The following BTNL9 variants were observed in gnomAD, a reference collection of about 807,000 sequenced individuals.
BTNL9 encodes butyrophilin like 9, also known as butyrophilin-like protein 9.
BTNL9 carries 45 observed loss-of-function variants against 45.8 expected under a neutral mutation model. The observed-to-expected ratio is 0.98, with a 90% CI of 0.77 to 1.26. The LOEUF (loss-of-function observed/expected upper bound fraction) is 1.26. Ranked by LOEUF, BTNL9 falls within the 50% of genes most tolerant of loss-of-function variation. The pLI is 0.00. For missense variants in BTNL9, 784 were observed against 729.7 expected (o/e 1.07, Z -0.86); for synonymous variants, 346 against 330.8 (o/e 1.05, Z -0.50).
chr5:181,054,157 CA>C, intron 6 of BTNL9, 81 bp from the exon 7 acceptor site: 1 of 1,595,828 alleles, frequency 6.3e-7, no homozygotes, highest in Non-Finnish European at 8.5e-7. Context: ...CCTCAGTGTT[CA>C]CCCATCTGTT....
intron 7 of BTNL9, 177 bp downstream of exon 7, chr5:181,054,436 C>T: frequency 1.0e-6 from 1 of 985,426 alleles, no homozygotes; most frequent in Non-Finnish European, 1.2e-6. Flanking sequence ...TGCCACCGTG[C>T]AGCTGCCCGA....
rs943120369 is a variant in BTNL9, at chr5:181,059,402, G to A, written c.1148G>A (p.Arg383His). 2.6e-6 allele frequency: 4 copies of A among 1,525,300 alleles called. No homozygotes were observed. Among genetic ancestry groups the A allele is most frequent in the Admixed American group, 4.0e-5 (2 of 49,616 alleles). 94.5% of individuals were successfully genotyped at this position (1,525,300 alleles called of 1,614,324 possible). Reference sequence around the variant, plus strand: ...AGCCTGGAGCGGTTCTCCGCCGGCCGCCACTACTGGGAGGTGCACGTGGGC... The same window carrying A: ...AGCCTGGAGCGGTTCTCCGCCGGCCACCACTACTGGGAGGTGCACGTGGGC... ...ALSLERFSAG[R>H]HYWEVHVGRR... The change falls in exon 11 of 11, where the codon CGC (arginine) becomes CAC (histidine). Residue 383 changes from arginine (R) to histidine (H), a missense_variant. Physicochemically the swap from Arg to His is conservative, Grantham distance 29. Transcript: ENST00000327705.
In BTNL9 at chr5:181,051,005, T is replaced by G. The variant is rs1561981142; in HGVS notation, c.736+636T>G. On this transcript the variant is annotated intron_variant, in intron 4 of 10. Transcript: ENST00000327705. Reference sequence around the variant, plus strand: ...GGGAGGCTGAGGCAGGAGAATCGCTTGAACCGGGGGGCAGAGGTTGCAGTG... The same window carrying G: ...GGGAGGCTGAGGCAGGAGAATCGCTGGAACCGGGGGGCAGAGGTTGCAGTG... 3.4e-5 allele frequency among the ~76,000 whole-genome samples: 5 copies of G among 148,954 alleles called. No individual in the cohort carries two copies. In the South Asian group the frequency reaches 1.1e-3, roughly 32 times the overall value.
In BTNL9 at chr5:181,059,715, G is replaced by T; in HGVS notation, c.1461G>T (p.Arg487Ser). The stretch of plus-strand genomic sequence containing the variant: ...CGGGCGCGCTCTGTGCGTACTTCAG[G>T]CCCAGGGCCCACGACGGCGGCGAAC... ...TFSGALCAYFRPRAHDGGEHP... is the reference protein window; with the variant it reads ...TFSGALCAYFSPRAHDGGEHP... The change falls in exon 11 of 11, where the codon AGG becomes AGT. Residue 487 changes from arginine (R) to serine (S), a missense_variant. Arg to Ser is a moderately radical substitution (Grantham distance 110, BLOSUM62 -1). Coordinates refer to ENST00000327705, the MANE Select transcript of BTNL9 (RefSeq NM_152547.5). The T allele has an allele frequency of 6.2e-7, 1 of 1,613,496 alleles. No individual in the cohort carries two copies. Among genetic ancestry groups the T allele is most frequent in the South Asian group, 1.1e-5 (1 of 91,078 alleles).
chr5:181,051,413 C>T (rs940302065), intron 4 of BTNL9, among the ~76,000 whole-genome samples: 2 of 152,154 alleles, frequency 1.3e-5, no homozygotes, highest in African/African-American at 2.4e-5. Flanking sequence ...CAAGCCAATG[C>T]ACACATGTTC....
Position 181,048,068 on chromosome 5 carries a change from A to T in BTNL9, c.251A>T (p.His84Leu), listed in dbSNP as rs750410659. 4.3e-6 allele frequency: 7 copies of T among 1,613,528 alleles called. No homozygotes were observed. The highest frequency in any genetic ancestry group is 5.1e-6 in the Non-Finnish European group (6 of 1,179,992). ...WFRSQTFNVV[H>L]LYQEQQELPG... Reference sequence around the variant, plus strand: ...CGGAGTCAGACCTTCAATGTGGTACACCTGTACCAGGAGCAGCAGGAGCTC... The same window carrying T: ...CGGAGTCAGACCTTCAATGTGGTACTCCTGTACCAGGAGCAGCAGGAGCTC... Residue 84 changes from histidine to leucine, a missense_variant, in exon 3 of 11, where the codon CAC becomes CTC. Coordinates refer to ENST00000327705, the MANE Select transcript of BTNL9 (RefSeq NM_152547.5).
intron 3 of BTNL9, among the ~76,000 whole-genome samples, chr5:181,048,553 G>A (rs1353793309): frequency 4.6e-5 from 7 of 151,416 alleles, no homozygotes; most frequent in Non-Finnish European, 7.4e-5. Flanking sequence ...TCCAGAGTTC[G>A]AGACCAGCCC....
chr5:181,056,616 A>T, intron 9 of BTNL9: 2 of 717,484 alleles, frequency 2.8e-6, no homozygotes, highest in South Asian at 3.0e-5. Context: ...CTGAATGCAT[A>T]GTCTCAAACG....
chr5:181,059,206 G>A lies in BTNL9; in HGVS notation c.983-31G>A, dbSNP rs781378774. On this transcript the variant is annotated intron_variant, in intron 10 of 10. Transcript: ENST00000327705. ...ACACGGACGGGGCCCAGACCGTCCC[G>A]GGCGGGCACTAACGCTGTGGCTCTG... The A allele has an allele frequency of 2.8e-5, 42 of 1,490,004 alleles. No individual in the cohort carries two copies. In the Middle Eastern group the frequency reaches 6.6e-4, roughly 23 times the overall value. 92.3% of individuals were successfully genotyped at this position (1,490,004 alleles called of 1,614,324 possible). A position where few individuals can be genotyped will look rare whatever the true frequency, so the allele number is the denominator to read the frequency against.
At chr5:181,044,512 G>C (rs1027675079) in intron 1 of BTNL9, among the ~76,000 whole-genome samples, 3 of 152,166 alleles carry the variant, frequency 2.0e-5, no homozygotes, top group Admixed American at 6.5e-5. Flanking sequence ...TGCTGACTTT[G>C]ATTTCAAGAG....
rs1761814253 is a variant in BTNL9, at chr5:181,055,198, T to C, written c.908-235T>C. 2 of 1,409,654 alleles carry C rather than the reference T, an allele frequency of 1.4e-6. No homozygotes were observed. The highest frequency in any genetic ancestry group is 1.8e-6 in the Non-Finnish European group (2 of 1,084,790). 87.3% of individuals were successfully genotyped at this position (1,409,654 alleles called of 1,614,324 possible). A position where few individuals can be genotyped will look rare whatever the true frequency, so the allele number is the denominator to read the frequency against. ...CAGTACTAAGATCTGGTATCCCTTC[T>C]AGGCTGTGTGCAGATTTCCACCTTT... is the stretch of plus-strand genomic sequence containing the variant. On this transcript the variant is annotated intron_variant, in intron 7 of 10. Transcript: ENST00000327705. This position sits in a 1 kb window ranked among gnomAD's most constrained non-coding sequence, Gnocchi z 4.4.
chr5:181,041,996 C>T (rs1760796236), intron 1 of BTNL9, among the ~76,000 whole-genome samples: 1 of 152,104 alleles, frequency 6.6e-6, no homozygotes. Flanking sequence ...TCTTTAAAGA[C>T]AGACTCGACG....
In BTNL9 at chr5:181,059,793, C is replaced by A. The variant is rs550995366; in HGVS notation, c.1539C>A (p.Pro513=). 5.6e-6 allele frequency: 9 copies of A among 1,604,046 alleles called. No homozygotes were observed. The South Asian group carries it at 6.6e-5, about 12-fold the overall frequency. ...TGCCGGTTAGAGGGACGGGCGTCCC[C>A]GAAGAGAACGACAGTGACACCTGGC... ...CPLPVRGTGV[P]EENDSDTWLQ... The change falls in exon 11 of 11, where the codon CCC becomes CCA. Residue 513 remains proline (P), a synonymous_variant. Coordinates refer to ENST00000327705, the MANE Select transcript of BTNL9 (RefSeq NM_152547.5).
intron 7 of BTNL9, chr5:181,054,995 T>C (rs1435695968): frequency 2.0e-6 from 2 of 983,272 alleles, no homozygotes; most frequent in African/African-American, 3.5e-5. Flanking sequence ...TCCTTGGTAA[T>C]TATTTGGGGA....
chr5:181,048,073 T>A lies in BTNL9; in HGVS notation c.256T>A (p.Tyr86Asn). ...TCAGACCTTCAATGTGGTACACCTG[T>A]ACCAGGAGCAGCAGGAGCTCCCTGG... Reference protein sequence around the residue: ...RSQTFNVVHLYQEQQELPGRQ... With the variant: ...RSQTFNVVHLNQEQQELPGRQ... The change falls in exon 3 of 11, where the codon TAC becomes AAC. Residue 86 changes from tyrosine to asparagine, a missense_variant. Coordinates refer to ENST00000327705, the MANE Select transcript of BTNL9 (RefSeq NM_152547.5). The A allele has an allele frequency of 6.2e-7, 1 of 1,613,704 alleles. No homozygotes were observed. The highest frequency in any genetic ancestry group is 8.5e-7 in the Non-Finnish European group (1 of 1,180,012).
chr5:181,053,440 C>G lies in BTNL9; in HGVS notation c.854-29C>G, dbSNP rs1272491993. 2 of 1,556,140 alleles carry G rather than the reference C, an allele frequency of 1.3e-6. No homozygotes were observed. The highest frequency in any genetic ancestry group is 3.9e-5 in the Admixed American group (2 of 51,798). On this transcript the variant is annotated intron_variant, in intron 5 of 10. Coordinates refer to ENST00000327705, the MANE Select transcript of BTNL9 (RefSeq NM_152547.5). The surrounding 1 kb of genome is among the most constrained non-coding windows in gnomAD (Gnocchi z 6.5). ...CCTGGAAGGGGCGGGGGCGCGCACT[C>G]AGCCCTCTCCGCTCCCGTTTCCCTT...
At chr5:181,056,090 C>A in intron 9 of BTNL9, 75 bp downstream of exon 9, 1 of 1,506,716 alleles carries the variant, frequency 6.6e-7, no homozygotes, top group Non-Finnish European at 9.2e-7. Flanking sequence ...CCTGATTAAC[C>A]AATCAGGCTT....
chr5:181,056,751 T>C (rs1351109931), intron 9 of BTNL9: 2 of 610,930 alleles, frequency 3.3e-6, no homozygotes, highest in Non-Finnish European at 3.0e-6. Context: ...GTCGTTATCC[T>C]GCCACCAGCC....
intron 4 of BTNL9, among the ~76,000 whole-genome samples, chr5:181,052,586 C>T (rs948152245): frequency 3.3e-5 from 5 of 152,200 alleles, no homozygotes; most frequent in Non-Finnish European, 5.9e-5. Flanking sequence ...TCTATTCAAC[C>T]GCCACAGGGT....
Sources: allele counts gnomAD v4.1 joint callset (sites outside exome capture counted in the v4.1 genomes callset), GRCh38; gene constraint gnomAD v4.1.1; non-coding constraint Gnocchi (gnomAD v3.1); transcripts MANE v1.5; gene names NCBI Gene and HGNC (gene_info 2026-07-23, HGNC 2026-07-21).